The following STXBP2 variants were observed in gnomAD, a reference collection of about 807,000 sequenced individuals.
STXBP2 encodes the protein syntaxin binding protein 2.
STXBP2 carries 47 observed loss-of-function variants against 72.2 expected under a neutral mutation model. The ratio of observed to expected loss-of-function variants is 0.65; its 90% confidence interval spans 0.51 to 0.83. The LOEUF is 0.83. Among genes scored for constraint, STXBP2 ranks in the 40% least tolerant of loss-of-function variants. The pLI is 0.00. For missense variants in STXBP2, 702 were observed against 807.6 expected, an observed-to-expected ratio of 0.87 and a Z score of 1.58; for synonymous variants, 367 against 338.7, an observed-to-expected ratio of 1.08 and a Z score of -0.92.
upstream of STXBP2, chr19:7,632,432 T>TG (rs775074172): frequency 7.4e-6 from 12 of 1,613,764 alleles, no homozygotes; most frequent in Non-Finnish European, 1.0e-5. This position sits in a 1 kb window ranked among gnomAD's most constrained non-coding sequence, Gnocchi z 5.2. Flanking sequence ...GGCTGCTGAC[T>TG]GTCACACGTT....
At chr19:7,632,583 AC>A, upstream of STXBP2, 2 of 1,595,022 alleles carry the variant, frequency 1.3e-6, no homozygotes, top group South Asian at 1.1e-5. This position sits in a 1 kb window ranked among gnomAD's most constrained non-coding sequence, Gnocchi z 5.2. Flanking sequence ...CTACCCCTTC[AC>A]CCCCACACAG....
chr19:7,631,379 AGGGTGGTGGGAGAGGTGGGCGGGGGG>A, the STXBP2 span: 5 of 534,854 alleles, frequency 9.3e-6, no homozygotes, highest in Non-Finnish European at 1.1e-5. Flanking sequence ...GGTCTGGGGC[AGGGTGGTGGGAGAGGTGGGCGGGGGG>A]GGGTGGTCCC....
chr19:7,646,135 C>T, intron 15 of STXBP2, 114 bp from the exon 16 acceptor site: 1 of 784,372 alleles, frequency 1.3e-6, no homozygotes, highest in Non-Finnish European at 2.2e-6. Context: ...CTCTGTTCCA[C>T]TTCCCCATCT....
chr19:7,642,561 C>T lies in STXBP2; in HGVS notation c.902+25C>T. 6.2e-7 allele frequency: 1 copy of T among 1,609,578 alleles called. No homozygotes were observed. Among genetic ancestry groups the T allele is most frequent in the Non-Finnish European group, 8.5e-7 (1 of 1,176,580 alleles). On this transcript the variant is annotated intron_variant, in intron 10 of 18. Coordinates refer to ENST00000221283, the MANE Select transcript of STXBP2 (RefSeq NM_006949.4). The surrounding 1 kb of genome is among the most constrained non-coding windows in gnomAD (Gnocchi z 6.0). Reference sequence around the variant, plus strand: ...AGTGCGTGCACACGGGGACCGGATCCCCCCCCCACCGCCCACTGTGGGCCT... The same window carrying T: ...AGTGCGTGCACACGGGGACCGGATCTCCCCCCCACCGCCCACTGTGGGCCT...
chr19:7,640,410 A>C, intron 4 of STXBP2: 6 of 527,346 alleles, frequency 1.1e-5, no homozygotes, highest in Middle Eastern at 9.5e-4. Context: ...ATATGTGTGT[A>C]TGTATGTGTG....
In STXBP2 at chr19:7,641,717, G is replaced by A. The variant is rs748998296; in HGVS notation, c.442G>A (p.Asp148Asn). The A allele has an allele frequency of 5.2e-5, 81 of 1,553,984 alleles. No homozygotes were observed. The highest frequency in any genetic ancestry group is 6.4e-5 in the Non-Finnish European group (74 of 1,149,154). The change falls in exon 7 of 19, where the codon GAT (aspartate) becomes AAT (asparagine). Residue 148 changes from aspartate to asparagine, a missense_variant. By Grantham distance (23) the Asp-to-Asn change is conservative (BLOSUM62 1). Coordinates refer to ENST00000221283, the MANE Select transcript of STXBP2 (RefSeq NM_006949.4). Reference protein sequence around the residue: ...LPYEAQVFSLDAPHSTYNLYC... With the variant: ...LPYEAQVFSLNAPHSTYNLYC... The stretch of plus-strand genomic sequence containing the variant: ...CCTCCTCGCCCAGGTGTTCTCCCTC[G>A]ATGCTCCCCACAGCACCTACAACCT...
chr19:7,641,144 C>A, intron 6 of STXBP2, 141 bp downstream of exon 6: 1 of 865,336 alleles, frequency 1.2e-6, no homozygotes, highest in South Asian at 1.4e-5. Flanking sequence ...GCAGGAGGAT[C>A]ACTTGGGGCC....
chr19:7,637,197 C>T lies in STXBP2; in HGVS notation c.37+11C>T. ...CGGTGGTGGGGGAAAGTGAGTGCCT[C>T]TCCGGGGCCGGGCTCTGGCGTCCGG... On this transcript the variant is annotated intron_variant, in intron 1 of 18. Transcript: ENST00000221283. 1.6e-6 allele frequency: 2 copies of T among 1,243,060 alleles called. No individual in the cohort carries two copies. The highest frequency in any genetic ancestry group is 1.0e-6 in the Non-Finnish European group (1 of 988,274). 77.0% of individuals were successfully genotyped at this position (1,243,060 alleles called of 1,614,324 possible).
Position 7,641,860 on chromosome 19 carries a change from A to ACGCCC in STXBP2, c.578+8_578+9insGCCCC. 7 of 1,548,932 alleles carry ACGCCC rather than the reference A, an allele frequency of 4.5e-6. No individual in the cohort carries two copies. Among genetic ancestry groups the ACGCCC allele is most frequent in the Admixed American group, 1.9e-5 (1 of 51,486 alleles). ...CGGCCATCCGCTACCGCAAGTGGGG[A>ACGCCC]CCCCACCCAGCCCCACCCCGATGCC... On this transcript the variant is annotated splice_region_variant and intron_variant, in intron 7 of 18. Coordinates refer to ENST00000221283, the MANE Select transcript of STXBP2 (RefSeq NM_006949.4).
At chr19:7,646,382 G>T (rs143562185) in intron 16 of STXBP2, 38 bp downstream of exon 16, 3 of 1,545,834 alleles carry the variant, frequency 1.9e-6, no homozygotes, top group Admixed American at 1.9e-5. Flanking sequence ...CCAGCCCTCC[G>T]CATCGGCTGG....
At chr19:7,639,134 G>T in intron 3 of STXBP2, 34 bp downstream of exon 3, 1 of 1,608,766 alleles carries the variant, frequency 6.2e-7, no homozygotes, top group Middle Eastern at 1.7e-4. Context: ...GATGGGACCT[G>T]AGCGTGGGAA....
At chr19:7,640,476 G>A (rs1281617814) in intron 4 of STXBP2, 2 of 682,636 alleles carry the variant, frequency 2.9e-6, no homozygotes, top group Non-Finnish European at 5.3e-6. Flanking sequence ...CTCTGTGTGT[G>A]CATGTGTGTA....
chr19:7,633,061 T>C (rs1274236574), upstream of STXBP2: 1 of 1,366,980 alleles, frequency 7.3e-7, no homozygotes, highest in Non-Finnish European at 9.6e-7. Context: ...CCACTTCACG[T>C]GGTACCGCTT....
At chr19:7,643,833 G>A (rs534118231) in intron 13 of STXBP2, among the ~76,000 whole-genome samples, 2 of 144,554 alleles carry the variant, frequency 1.4e-5, no homozygotes, top group Non-Finnish European at 3.0e-5. Context: ...ACCTGGGAGA[G>A]GGGTGGAGCC....
In STXBP2 at chr19:7,642,163, C is replaced by T; in HGVS notation, c.664-40C>T. On this transcript the variant is annotated intron_variant, in intron 8 of 18. Transcript: ENST00000221283. The surrounding 1 kb of genome is among the most constrained non-coding windows in gnomAD (Gnocchi z 6.0). ...AGGTGAGGGGCAGCCCCAACCGGCT[C>T]AGGGTCAGTGCCTCATTCCTGCCCT... The T allele has an allele frequency of 6.2e-7, 1 of 1,614,074 alleles. No individual in the cohort carries two copies. Among genetic ancestry groups the T allele is most frequent in the Non-Finnish European group, 8.5e-7 (1 of 1,179,962 alleles).
At chr19:7,644,781 G>T in intron 14 of STXBP2, 29 bp downstream of exon 14, 1 of 1,613,184 alleles carries the variant, frequency 6.2e-7, no homozygotes. Context: ...GAGTTGGAAC[G>T]TCCCCATTTG....
At chr19:7,640,222 C>T in intron 4 of STXBP2, 1 of 496,384 alleles carries the variant, frequency 2.0e-6, no homozygotes, top group Non-Finnish European at 3.8e-6. Context: ...GTGTCTGCGT[C>T]TGTGTGTGCG....
intron 16 of STXBP2, 116 bp from the exon 17 acceptor site, chr19:7,647,045 TG>T: frequency 9.8e-7 from 1 of 1,023,312 alleles, no homozygotes; most frequent in Non-Finnish European, 1.5e-6. Context: ...AGGCAGGAGG[TG>T]GAGATGCTGG....
Position 7,644,883 on chromosome 19 carries a change from C to T in STXBP2, c.1246+131C>T, listed in dbSNP as rs561820866. On this transcript the variant is annotated intron_variant, in intron 14 of 18. Transcript: ENST00000221283. Reference sequence around the variant, plus strand: ...CGGGCTCACCAACCCCCACAGCTACCCCTCTGGACCCGGGAACCCTCCTCC... The same window carrying T: ...CGGGCTCACCAACCCCCACAGCTACTCCTCTGGACCCGGGAACCCTCCTCC... 7.3e-6 allele frequency: 11 copies of T among 1,504,588 alleles called. No individual in the cohort carries two copies. The South Asian group carries it at 1.2e-4, about 16-fold the overall frequency. 93.2% of individuals were successfully genotyped at this position (1,504,588 alleles called of 1,614,324 possible).
Sources: gnomAD v4.1 joint callset for allele counts (sites outside exome capture counted in the v4.1 genomes callset) on GRCh38, gnomAD v4.1.1 for gene constraint, Gnocchi (gnomAD v3.1) non-coding constraint, MANE v1.5 for transcripts, NCBI Gene and HGNC (gene_info 2026-07-23, HGNC 2026-07-21) for gene names.